NRG3: variants seen among roughly 807,000 people sequenced by gnomAD.
NRG3 encodes pro-neuregulin-3, membrane-bound isoform.
A neutral mutation model predicts 66.9 loss-of-function variants in NRG3; 31 were observed. The ratio of observed to expected loss-of-function variants is 0.46; its 90% CI spans 0.35 to 0.63. The LOEUF is 0.63. NRG3 is among the 20% of genes least tolerant of loss of function. The pLI is 0.00. For synonymous variants in NRG3, 393 were observed against 359.4 expected, an observed-to-expected ratio of 1.09 and a Z score of -1.06; for missense variants, 910 against 878.9, an observed-to-expected ratio of 1.04 and a Z score of -0.45.
chr10:81,996,438 G>A (rs935311188), intron 1 of NRG3, among the ~76,000 whole-genome samples: 5 of 152,086 alleles, frequency 3.3e-5, no homozygotes, highest in African/African-American at 1.2e-4. Flanking sequence ...GTTACTTATT[G>A]GAGCATATGC....
rs972704462 is a variant in NRG3, at chr10:82,758,537, C to A, written c.1027+19887C>A. 1.5e-4 allele frequency among the ~76,000 whole-genome samples: 23 copies of A among 152,184 alleles called. No individual in the cohort carries two copies. In the East Asian group the frequency reaches 4.3e-3, roughly 28 times the overall value. On this transcript the variant is annotated intron_variant, in intron 3 of 8. Transcript: ENST00000372141. ...TCTCATTGCAAGATATGATAAGACT[C>A]AATTTCCCCTGTTTATTGTCACCGA...
At chr10:82,771,127 G>T (rs77897431) in intron 3 of NRG3, among the ~76,000 whole-genome samples, 1 of 152,056 alleles carries the variant, frequency 6.6e-6, no homozygotes, top group African/African-American at 2.4e-5. Flanking sequence ...GAAGCAAAGG[G>T]TGCCAGGCAG....
At chr10:82,964,187 A>T (rs1850965501) in intron 6 of NRG3, among the ~76,000 whole-genome samples, 1 of 152,222 alleles carries the variant, frequency 6.6e-6, no homozygotes. Context: ...ATGACAAAAA[A>T]TGAGAAAGCT....
intron 1 of NRG3, among the ~76,000 whole-genome samples, chr10:82,332,753 A>G (rs1426926152): frequency 1.3e-5 from 2 of 152,174 alleles, no homozygotes; most frequent in Non-Finnish European, 2.9e-5. Context: ...GATGTGATCC[A>G]TTTGCTATAT....
chr10:82,598,150 A>T (rs1296169448), intron 2 of NRG3, among the ~76,000 whole-genome samples: 5 of 152,128 alleles, frequency 3.3e-5, no homozygotes, highest in Admixed American at 2.6e-4. Flanking sequence ...GAGTTTTTTT[A>T]AAAAAATTTT....
intron 1 of NRG3, among the ~76,000 whole-genome samples, chr10:82,222,494 T>C (rs1473649461): frequency 1.3e-5 from 2 of 152,126 alleles, no homozygotes; most frequent in Non-Finnish European, 2.9e-5. Flanking sequence ...CCCAGTTGAT[T>C]AGACCCCTGG....
intron 4 of NRG3, among the ~76,000 whole-genome samples, chr10:82,928,075 T>G (rs1211467756): frequency 6.6e-6 from 1 of 152,254 alleles, no homozygotes; most frequent in Non-Finnish European, 1.5e-5. Context: ...AGTTTTGATT[T>G]GCATTTCTCT....
At chr10:82,010,031 G>A (rs1266946403) in intron 1 of NRG3, among the ~76,000 whole-genome samples, 1 of 152,186 alleles carries the variant, frequency 6.6e-6, no homozygotes, top group Non-Finnish European at 1.5e-5. Flanking sequence ...TCAGCCTCAT[G>A]AGATCTGAGA....
chr10:82,858,269 A>G (rs1295965730), intron 3 of NRG3, among the ~76,000 whole-genome samples: 2 of 152,164 alleles, frequency 1.3e-5, no homozygotes, highest in African/African-American at 2.4e-5. Flanking sequence ...CAGCAACTAC[A>G]GCCAGAGCCA....
At chr10:82,187,806 C>G (rs1461036332) in intron 1 of NRG3, among the ~76,000 whole-genome samples, 1 of 152,070 alleles carries the variant, frequency 6.6e-6, no homozygotes, top group Non-Finnish European at 1.5e-5. Flanking sequence ...GATGGCATTA[C>G]TGAATGTACA....
intron 1 of NRG3, among the ~76,000 whole-genome samples, chr10:82,200,244 T>G (rs1004209854): frequency 6.6e-6 from 1 of 152,160 alleles, no homozygotes; most frequent in Non-Finnish European, 1.5e-5. Flanking sequence ...AGGTAGTGGT[T>G]GGTAGCAGTA....
chr10:82,145,803 T>C (rs941201493), intron 1 of NRG3, among the ~76,000 whole-genome samples: 1 of 152,168 alleles, frequency 6.6e-6, no homozygotes, highest in Non-Finnish European at 1.5e-5. Context: ...CCCAAAACAT[T>C]GCTTTTCTGG....
chr10:82,207,634 A>G (rs1229639886), intron 1 of NRG3, among the ~76,000 whole-genome samples: 1 of 152,182 alleles, frequency 6.6e-6, no homozygotes, highest in Admixed American at 6.5e-5. Flanking sequence ...TTATAAAGGA[A>G]AGAGGTTTAA....
intron 2 of NRG3, among the ~76,000 whole-genome samples, chr10:82,503,923 C>T (rs1844432413): frequency 6.6e-6 from 1 of 152,072 alleles, no homozygotes; most frequent in African/African-American, 2.4e-5. Context: ...AGGCAGACGG[C>T]CTGGACAACA....
At chr10:82,682,405 ATAG>A (rs745815531) in intron 2 of NRG3, among the ~76,000 whole-genome samples, 12 of 138,692 alleles carry the variant, frequency 8.7e-5, no homozygotes, top group Non-Finnish European at 1.9e-4. Flanking sequence ...AGACAGATAG[ATAG>A]ATAGATAGAT....
chr10:82,602,331 G>T (rs1465776239), intron 2 of NRG3, among the ~76,000 whole-genome samples: 1 of 151,898 alleles, frequency 6.6e-6, no homozygotes, highest in Non-Finnish European at 1.5e-5. Context: ...ATTCTTACTG[G>T]AGGTCAAGGA....
At chr10:82,479,446 C>T (rs939933923) in intron 2 of NRG3, among the ~76,000 whole-genome samples, 1 of 151,516 alleles carries the variant, frequency 6.6e-6, no homozygotes, top group Non-Finnish European at 1.5e-5. Flanking sequence ...TGCCTGTAAT[C>T]CCAGCACCTT....
chr10:82,637,435 C>A (rs1216371175), intron 2 of NRG3, among the ~76,000 whole-genome samples: 1 of 152,084 alleles, frequency 6.6e-6, no homozygotes, highest in African/African-American at 2.4e-5. Flanking sequence ...TTAATTACAA[C>A]AGGAAACAGT....
At chr10:81,964,001 T>A (rs940311369) in intron 1 of NRG3, among the ~76,000 whole-genome samples, 3 of 152,170 alleles carry the variant, frequency 2.0e-5, no homozygotes, top group African/African-American at 7.2e-5. Context: ...AAAAAATACA[T>A]GAGTACATTC....
Sources: gnomAD v4.1 joint callset for allele counts (sites outside exome capture counted in the v4.1 genomes callset) on GRCh38, gnomAD v4.1.1 for gene constraint, MANE v1.5 for transcripts, NCBI Gene and HGNC (gene_info 2026-07-23, HGNC 2026-07-21) for gene names.